The following AGPS variants were observed in gnomAD, a reference collection of about 807,000 sequenced individuals.
The protein encoded by AGPS is alkyldihydroxyacetonephosphate synthase, peroxisomal.
Under a neutral mutation model 90.7 loss-of-function variants are expected in AGPS, and 26 were observed. The observed-to-expected ratio is 0.29, with a 90% CI of 0.21 to 0.40. The LOEUF (loss-of-function observed/expected upper bound fraction) is 0.40, where lower values mean the gene tolerates loss of function less well. Ranked by LOEUF, AGPS falls within the 10% of genes least tolerant of loss-of-function variation. AGPS has a pLI of 1.00. For synonymous variants in AGPS, 294 were observed against 285.3 expected (o/e 1.03, Z -0.31); for missense variants, 540 against 816.1 (o/e 0.66, Z 4.12).
At chr2:177,409,833 T>C (rs1190977734) in intron 1 of AGPS, among the ~76,000 whole-genome samples, 1 of 152,108 alleles carries the variant, frequency 6.6e-6, no homozygotes, top group African/African-American at 2.4e-5. Context: ...AGAGACAAAC[T>C]TAACAAGGAG....
At position 177,412,926 on chromosome 2, in the gene AGPS, G is replaced by C. The variant is rs1412725216; in HGVS notation, c.261-7343G>C. Reference sequence around the variant, plus strand: ...CAAGCCTTTAGCCCGATCGGGAGTGGCAATGGGTGCCTCGCTGGATCAGGA... The same window carrying C: ...CAAGCCTTTAGCCCGATCGGGAGTGCCAATGGGTGCCTCGCTGGATCAGGA... On this transcript the variant is annotated intron_variant, in intron 1 of 19. Transcript: ENST00000264167. Among the ~76,000 whole-genome samples the C allele has an allele frequency of 3.3e-5, 5 of 152,280 alleles. No homozygotes were observed. In the South Asian group the frequency reaches 1.0e-3, roughly 32 times the overall value.
chr2:177,541,301 T>G lies in AGPS; in HGVS notation c.*3106T>G, dbSNP rs551176021. 2.6e-5 allele frequency: 4 copies of G among 152,306 alleles called. No individual in the cohort carries two copies. In the East Asian group the frequency reaches 7.7e-4, roughly 29 times the overall value. The allele number at this position is 152,306 out of a possible 1,614,324, so 9.4% of individuals were successfully genotyped here. On this transcript the variant is annotated 3_prime_UTR_variant, in exon 20 of 20. Transcript: ENST00000264167. ...GCTTGCATTTTTGAAAATGCCTTTC[T>G]GCATGTTAGCACCCAGACTTTCCTT...
At chr2:177,483,391 C>G (rs1287945586) in intron 11 of AGPS, among the ~76,000 whole-genome samples, 1 of 152,146 alleles carries the variant, frequency 6.6e-6, no homozygotes, top group Admixed American at 6.6e-5. Context: ...TGAAGTACAG[C>G]TATATGACCA....
Position 177,392,913 on chromosome 2 carries a change from T to A in AGPS, c.124T>A (p.Ser42Thr). The change falls in exon 1 of 20, where the codon TCT becomes ACT. Residue 42 changes from serine to threonine, a missense_variant. By Grantham distance (58) the Ser-to-Thr change is moderately conservative. Around this residue, in one of 2 missense-constraint regions of AGPS, gnomAD observed 135 missense variants for 124.0 expected, o/e 1.09. Coordinates refer to ENST00000264167, the MANE Select transcript of AGPS (RefSeq NM_003659.4). ...DRAGRRLRVL[S>T]GHLLGRPREA... Reference sequence around the variant, plus strand: ...CGCCGGGCGGAGGCTGCGGGTTCTCTCTGGCCATCTGCTGGGCCGGCCCCG... The same window carrying A: ...CGCCGGGCGGAGGCTGCGGGTTCTCACTGGCCATCTGCTGGGCCGGCCCCG... 9.0e-6 allele frequency: 14 copies of A among 1,550,278 alleles called. No individual in the cohort carries two copies. Among genetic ancestry groups the A allele is most frequent in the Non-Finnish European group, 1.2e-5 (14 of 1,147,010 alleles).
chr2:177,405,670 G>GTTT (rs1170607740), intron 1 of AGPS, among the ~76,000 whole-genome samples: 5 of 60,920 alleles, frequency 8.2e-5, no homozygotes, highest in African/African-American at 2.9e-4. Flanking sequence ...GCACTATTCT[G>GTTT]TTGTTTTTTT....
At chr2:177,483,092 A>G (rs1033993998) in intron 11 of AGPS, among the ~76,000 whole-genome samples, 1 of 152,118 alleles carries the variant, frequency 6.6e-6, no homozygotes, top group Non-Finnish European at 1.5e-5. Flanking sequence ...CCTGATATCC[A>G]GAGCAGTGTG....
intron 8 of AGPS, among the ~76,000 whole-genome samples, chr2:177,457,192 A>C (rs946771933): frequency 6.6e-6 from 1 of 152,228 alleles, no homozygotes; most frequent in Non-Finnish European, 1.5e-5. Context: ...CATTTAAAGC[A>C]GTGTGTAGAG....
At chr2:177,513,574 G>A (rs1191573266) in intron 16 of AGPS, among the ~76,000 whole-genome samples, 1 of 152,140 alleles carries the variant, frequency 6.6e-6, no homozygotes, top group African/African-American at 2.4e-5. Flanking sequence ...GGAGACTTGA[G>A]TGTGTTCTTG....
intron 1 of AGPS, among the ~76,000 whole-genome samples, chr2:177,411,720 C>T (rs1369188619): frequency 6.6e-6 from 1 of 152,130 alleles, no homozygotes; most frequent in Non-Finnish European, 1.5e-5. Context: ...TGATAATTTA[C>T]CTAGGTCTAT....
intron 5 of AGPS, among the ~76,000 whole-genome samples, chr2:177,438,818 G>A (rs188389042): frequency 1.6e-4 from 24 of 152,150 alleles, no homozygotes; most frequent in East Asian, 5.8e-4. Context: ...ATAGTTTCCC[G>A]ACAAGTTATT....
intron 13 of AGPS, among the ~76,000 whole-genome samples, chr2:177,498,432 G>GT (rs1219817474): frequency 6.6e-6 from 1 of 151,186 alleles, no homozygotes; most frequent in East Asian, 1.9e-4. Flanking sequence ...CATAAATGTT[G>GT]TAAGTAATTT....
chr2:177,528,380 T>C (rs1284168124), intron 19 of AGPS, among the ~76,000 whole-genome samples: 3 of 152,242 alleles, frequency 2.0e-5, no homozygotes, highest in African/African-American at 7.2e-5. Context: ...ATACATTGTA[T>C]ATCACTCTGT....
chr2:177,393,302 A>G (rs1685077589), intron 1 of AGPS: 21 of 985,438 alleles, frequency 2.1e-5, no homozygotes, highest in Non-Finnish European at 2.5e-5. Context: ...TCGTTGGAGA[A>G]GGGTTTAAAG....
At position 177,445,564 on chromosome 2, in the gene AGPS, G is replaced by A; in HGVS notation, c.808G>A (p.Asp270Asn). ...GCAACAGAATCGAATTCTCTGGGTT[G>A]ATGAGAACAATTTGACAGCTCATGT... ...TSQMNRILWVDENNLTAHVEA... is the reference protein window; with the variant it reads ...TSQMNRILWVNENNLTAHVEA... The change falls in exon 8 of 20, where the codon GAT (aspartate) becomes AAT (asparagine). Residue 270 changes from aspartate to asparagine, a missense_variant. This residue lies in a region of AGPS where 405 missense variants were observed against 692.1 expected (regional missense o/e 0.59). Transcript: ENST00000264167. 6.2e-7 allele frequency: 1 copy of A among 1,613,884 alleles called. No homozygotes were observed. The highest frequency in any genetic ancestry group is 8.5e-7 in the Non-Finnish European group (1 of 1,179,792).
In AGPS at chr2:177,538,562, T is replaced by G; in HGVS notation, c.*367T>G. The G allele has an allele frequency of 3.3e-6, 1 of 302,486 alleles. No individual in the cohort carries two copies. The highest frequency in any genetic ancestry group is 9.2e-5 in the East Asian group (1 of 10,832). 18.7% of individuals were successfully genotyped at this position (302,486 alleles called of 1,614,324 possible). On this transcript the variant is annotated 3_prime_UTR_variant, in exon 20 of 20. Coordinates refer to ENST00000264167, the MANE Select transcript of AGPS (RefSeq NM_003659.4). The stretch of plus-strand genomic sequence containing the variant: ...TCATTGATTGCTCAGCTAGCCTCTT[T>G]TTAAAAGAACGTTTCTGGGAATCAG...
chr2:177,527,192 C>CCTA (rs1218066740), intron 19 of AGPS, among the ~76,000 whole-genome samples: 1 of 152,054 alleles, frequency 6.6e-6, no homozygotes, highest in Non-Finnish European at 1.5e-5. Context: ...CTTTGGGAGG[C>CCTA]CTAGGCGGGT....
chr2:177,425,232 C>A (rs954846376), intron 2 of AGPS, among the ~76,000 whole-genome samples: 1 of 151,998 alleles, frequency 6.6e-6, no homozygotes. Flanking sequence ...AGTCTTTAAT[C>A]CATCTTGAGT....
chr2:177,479,116 A>G (rs1174712119), intron 10 of AGPS, among the ~76,000 whole-genome samples: 2 of 152,292 alleles, frequency 1.3e-5, no homozygotes, highest in East Asian at 3.9e-4. Context: ...TTTCTATCTA[A>G]GTAACACCTC....
In AGPS at chr2:177,508,029, C is replaced by A. The variant is rs769160764; in HGVS notation, c.1605C>A (p.Asp535Glu). ...CTTTTGAGACTTCTGCTCCTTGGGA[C>A]AGGTAAAATATACTAAAGTGCCTGA... is the stretch of plus-strand genomic sequence containing the variant. ...GESFETSAPWDRVVDLCRNVK... is the reference protein window; with the variant it reads ...GESFETSAPWERVVDLCRNVK... The change falls in exon 16 of 20, where the codon GAC becomes GAA. Residue 535 changes from aspartate (D) to glutamate (E), a missense_variant and splice_region_variant. Transcript: ENST00000264167. The A allele has an allele frequency of 1.7e-5, 27 of 1,608,518 alleles. No individual in the cohort carries two copies. The highest frequency in any genetic ancestry group is 2.3e-5 in the Non-Finnish European group (27 of 1,175,282).
Sources: allele counts gnomAD v4.1 joint callset (sites outside exome capture counted in the v4.1 genomes callset), GRCh38; gene constraint gnomAD v4.1.1; regional missense constraint gnomAD v4.1.1; transcripts MANE v1.5; gene names NCBI Gene and HGNC (gene_info 2026-07-23, HGNC 2026-07-21).